KMT5B: variants seen among roughly 807,000 people sequenced by gnomAD.
KMT5B encodes the protein histone-lysine N-methyltransferase KMT5B.
KMT5B carries 10 observed loss-of-function variants against 83.2 expected under a neutral mutation model. That is an observed-to-expected ratio of 0.12 (90% CI 0.07 to 0.20). The LOEUF (loss-of-function observed/expected upper bound fraction) is 0.20, where lower values mean the gene tolerates loss of function less well. Among genes scored for constraint, KMT5B ranks in the 10% least tolerant of loss-of-function variants. KMT5B has a pLI of 1.00. For synonymous variants in KMT5B, 349 were observed against 388.8 expected (o/e 0.90, Z 1.20); for missense variants, 753 against 1,067.2 (o/e 0.71, Z 4.10).
At chr11:68,185,201 T>C (rs573662383) in intron 3 of KMT5B, among the ~76,000 whole-genome samples, 113 of 152,280 alleles carry the variant, frequency 7.4e-4, no homozygotes, top group African/African-American at 2.2e-3. Context: ...GCTAAGATAA[T>C]TGTCATCACC....
intron 5 of KMT5B, chr11:68,174,329 C>A: frequency 3.0e-6 from 1 of 335,194 alleles, no homozygotes; most frequent in Non-Finnish European, 5.9e-6. Flanking sequence ...ATTACAGTAA[C>A]TAGCTGAACA....
rs185926623 is a variant in KMT5B at position 68,188,225 on chromosome 11, C to A, written c.160+1692G>T. On this transcript the variant is annotated intron_variant, in intron 2 of 10. Coordinates refer to ENST00000304363, the MANE Select transcript of KMT5B (RefSeq NM_017635.5). Reference sequence around the variant, plus strand: ...ATTTTTAGTAGAGGCGGGGTTTGACCGTATTAGCCAGGATGGTCTCGATCT... The same window carrying A: ...ATTTTTAGTAGAGGCGGGGTTTGACAGTATTAGCCAGGATGGTCTCGATCT... Among the ~76,000 whole-genome samples, 2 of 151,752 alleles carry A rather than the reference C, an allele frequency of 1.3e-5. 1 individual carries two copies. The highest frequency in any genetic ancestry group is 4.8e-5 in the African/African-American group (2 of 41,316).
At position 68,171,496 on chromosome 11, in the gene KMT5B, G is replaced by A; in HGVS notation, c.820+47C>T. 1 of 1,582,116 alleles carries A rather than the reference G, an allele frequency of 6.3e-7. No homozygotes were observed. Among genetic ancestry groups the A allele is most frequent in the Non-Finnish European group, 8.6e-7 (1 of 1,160,802 alleles). ...GTTGACAAGGCCATTCTAGCAGTTA[G>A]CAGGAATGGCCAACACTAGCGCCAA... On this transcript the variant is annotated intron_variant, in intron 7 of 10. Transcript: ENST00000304363. This position sits in a 1 kb window ranked among gnomAD's most constrained non-coding sequence, Gnocchi z 5.1.
At chr11:68,208,575 T>G (rs1165815309) in intron 1 of KMT5B, among the ~76,000 whole-genome samples, 1 of 152,052 alleles carries the variant, frequency 6.6e-6, no homozygotes, top group East Asian at 1.9e-4. Flanking sequence ...TGTAAGTAAG[T>G]ATGTGGTTAT....
chr11:68,163,183 G>A (rs1348740197), intron 10 of KMT5B, among the ~76,000 whole-genome samples: 2 of 152,194 alleles, frequency 1.3e-5, no homozygotes, highest in African/African-American at 4.8e-5. Context: ...GACCTGGACT[G>A]TAATTTTAGG....
intron 1 of KMT5B, among the ~76,000 whole-genome samples, chr11:68,203,764 T>G (rs1335409351): frequency 1.3e-5 from 2 of 152,196 alleles, no homozygotes; most frequent in Non-Finnish European, 2.9e-5. Flanking sequence ...GTGTTAGTAT[T>G]ATGAAAAGAG....
At chr11:68,204,086 C>A (rs1406683522) in intron 1 of KMT5B, among the ~76,000 whole-genome samples, 2 of 152,146 alleles carry the variant, frequency 1.3e-5, no homozygotes, top group Non-Finnish European at 2.9e-5. Context: ...AAGAGAATAG[C>A]GTCTGAAGCT....
intron 1 of KMT5B, among the ~76,000 whole-genome samples, chr11:68,197,884 C>T (rs1591046138): frequency 6.6e-6 from 1 of 152,082 alleles, no homozygotes; most frequent in Admixed American, 6.6e-5. Flanking sequence ...TTTGTAAAAA[C>T]AATTCTAATG....
At chr11:68,189,696 A>C in intron 2 of KMT5B, 1 of 388,092 alleles carries the variant, frequency 2.6e-6, no homozygotes, top group South Asian at 6.7e-5. Context: ...CAGACAGAAA[A>C]GCATGATTAA....
intron 1 of KMT5B, among the ~76,000 whole-genome samples, chr11:68,206,137 G>A (rs1414646928): frequency 1.3e-5 from 2 of 152,144 alleles, no homozygotes; most frequent in Admixed American, 6.5e-5. Context: ...GTTGTTGAGG[G>A]AAAGTCCTCA....
intron 4 of KMT5B, among the ~76,000 whole-genome samples, chr11:68,176,367 T>C (rs1856380655): frequency 6.6e-6 from 1 of 152,252 alleles, no homozygotes; most frequent in South Asian, 2.1e-4. Flanking sequence ...GTAAAACGTG[T>C]ACTATAAAGT....
chr11:68,198,487 CAAG>C (rs1197729444), intron 1 of KMT5B, among the ~76,000 whole-genome samples: 2 of 141,826 alleles, frequency 1.4e-5, no homozygotes, highest in Non-Finnish European at 3.1e-5. Flanking sequence ...CAAGACAAGA[CAAG>C]ACAAGACAGG....
chr11:68,180,012 G>A (rs1209568872), intron 4 of KMT5B, 120 bp downstream of exon 4: 13 of 1,215,498 alleles, frequency 1.1e-5, no homozygotes, highest in Non-Finnish European at 1.5e-5. Flanking sequence ...TAAAAGGTTT[G>A]TAAAATGTTC....
intron 9 of KMT5B, among the ~76,000 whole-genome samples, chr11:68,168,069 G>T (rs1327089371): frequency 6.6e-6 from 1 of 152,096 alleles, no homozygotes; most frequent in Admixed American, 6.5e-5. Flanking sequence ...CCAGCTACTC[G>T]GGAGGCTGAG....
chr11:68,173,453 T>A (rs949098499), intron 6 of KMT5B, among the ~76,000 whole-genome samples: 10 of 152,182 alleles, frequency 6.6e-5, no homozygotes, highest in African/African-American at 2.4e-4. Flanking sequence ...ACTAGGATCA[T>A]TAAAACTTTA....
chr11:68,201,918 C>CA (rs779662280), intron 1 of KMT5B, among the ~76,000 whole-genome samples: 7,031 of 82,718 alleles, frequency 0.085, 221 homozygotes, highest in African/African-American at 0.11. Context: ...CAGTCTCTAC[C>CA]AAAAAAAAAA....
chr11:68,178,151 A>G (rs2153058744), intron 4 of KMT5B, among the ~76,000 whole-genome samples: 1 of 152,380 alleles, frequency 6.6e-6, no homozygotes, highest in African/African-American at 2.4e-5. Context: ...TACAAACGAC[A>G]GAAAGGGCCA....
intron 1 of KMT5B, among the ~76,000 whole-genome samples, chr11:68,196,420 C>T (rs1489626728): frequency 6.7e-6 from 1 of 148,992 alleles, no homozygotes; most frequent in East Asian, 2.0e-4. Flanking sequence ...TTGAGAGTTC[C>T]TAAGGTTGAG....
chr11:68,211,486 T>C (rs984132425), intron 1 of KMT5B, among the ~76,000 whole-genome samples: 2 of 152,232 alleles, frequency 1.3e-5, no homozygotes, highest in Non-Finnish European at 2.9e-5. Flanking sequence ...GTAAACAACA[T>C]TAAAGTGGAT....
Sources: allele counts gnomAD v4.1 joint callset (sites outside exome capture counted in the v4.1 genomes callset), GRCh38; gene constraint gnomAD v4.1.1; non-coding constraint Gnocchi (gnomAD v3.1); transcripts MANE v1.5; gene names NCBI Gene and HGNC (gene_info 2026-07-23, HGNC 2026-07-21).